NALF1: variants seen among roughly 807,000 people sequenced by gnomAD.
NALF1 encodes the protein family with sequence similarity 155 member A.
A neutral mutation model predicts 48.4 loss-of-function variants in NALF1; 3 were observed. That is an observed-to-expected ratio of 0.06 (90% confidence interval 0.03 to 0.16). The LOEUF is 0.16. NALF1 is among the 10% of genes least tolerant of loss of function. The pLI, the probability that NALF1 is intolerant of heterozygous loss-of-function variation, is 1.00. For synonymous variants in NALF1, 262 were observed against 245.7 expected, an observed-to-expected ratio of 1.07 and a Z score of -0.62; for missense variants, 526 against 571.5, an observed-to-expected ratio of 0.92 and a Z score of 0.81.
At chr13:107,554,972 G>A (rs1201597116) in intron 1 of NALF1, among the ~76,000 whole-genome samples, 3 of 152,062 alleles carry the variant, frequency 2.0e-5, no homozygotes, top group African/African-American at 7.2e-5. Flanking sequence ...CCTGTCCGGG[G>A]AGGCCTCTGC....
At chr13:107,796,624 C>T (rs1878432278) in intron 1 of NALF1, among the ~76,000 whole-genome samples, 1 of 152,124 alleles carries the variant, frequency 6.6e-6, no homozygotes, top group Non-Finnish European at 1.5e-5. Context: ...TTGTGTCGTT[C>T]CCCTTCCCTG....
chr13:107,240,908 T>G (rs2138834827), intron 1 of NALF1, among the ~76,000 whole-genome samples: 1 of 152,094 alleles, frequency 6.6e-6, no homozygotes, highest in African/African-American at 2.4e-5. Context: ...TCTTAGTTCT[T>G]TTTTTGCTGC....
chr13:107,727,596 C>T lies in NALF1; in HGVS notation c.915+138086G>A, dbSNP rs534033793. Among the ~76,000 whole-genome samples the T allele has an allele frequency of 3.9e-5, 6 of 152,222 alleles. 1 individual carries two copies. The South Asian group carries it at 6.2e-4, about 16-fold the overall frequency. On this transcript the variant is annotated intron_variant, in intron 1 of 2. Transcript: ENST00000375915. ...CTAAACCTGAAGAAAACCTACGTGA[C>T]GCCATTCAGGACACAGGCATGGGCA...
intron 1 of NALF1, among the ~76,000 whole-genome samples, chr13:107,718,538 T>C (rs886512823): frequency 3.9e-5 from 6 of 152,178 alleles, no homozygotes; most frequent in Non-Finnish European, 7.3e-5. Flanking sequence ...TAGGTGGATT[T>C]TGTGGACTAG....
intron 2 of NALF1, among the ~76,000 whole-genome samples, chr13:107,197,632 A>G (rs9514627): frequency 0.25 from 38,043 of 152,122 alleles, 5,109 homozygotes; most frequent in East Asian, 0.39. Flanking sequence ...TGAGGCTAGC[A>G]GTCCACAGTA....
At chr13:107,652,563 C>T (rs1355924879) in intron 1 of NALF1, among the ~76,000 whole-genome samples, 1 of 152,086 alleles carries the variant, frequency 6.6e-6, no homozygotes, top group African/African-American at 2.4e-5. Flanking sequence ...CTCCCTAGCC[C>T]CAAAGGATGG....
chr13:107,396,057 G>C (rs564060935), intron 1 of NALF1, among the ~76,000 whole-genome samples: 1 of 152,290 alleles, frequency 6.6e-6, no homozygotes, highest in East Asian at 1.9e-4. Flanking sequence ...AAGACTGGAA[G>C]TCCAGGTTCA....
intron 1 of NALF1, among the ~76,000 whole-genome samples, chr13:107,857,425 C>T (rs1459435019): frequency 6.6e-6 from 1 of 152,142 alleles, no homozygotes; most frequent in Non-Finnish European, 1.5e-5. Context: ...GACGACATAA[C>T]ACAAAACGTT....
At chr13:107,292,670 C>G (rs1881645861) in intron 1 of NALF1, among the ~76,000 whole-genome samples, 1 of 152,110 alleles carries the variant, frequency 6.6e-6, no homozygotes, top group Admixed American at 6.6e-5. Flanking sequence ...AATGCCAAAG[C>G]CTTCTTCTAT....
intron 1 of NALF1, among the ~76,000 whole-genome samples, chr13:107,355,205 C>T (rs1348325032): frequency 6.6e-6 from 1 of 152,122 alleles, no homozygotes; most frequent in African/African-American, 2.4e-5. Flanking sequence ...ACGAGGTCTG[C>T]AAACCCCAAC....
intron 1 of NALF1, among the ~76,000 whole-genome samples, chr13:107,441,716 C>T (rs1884562764): frequency 6.6e-6 from 1 of 152,048 alleles, no homozygotes; most frequent in African/African-American, 2.4e-5. Flanking sequence ...TTGTAGAGGG[C>T]AAAGGAATGG....
At chr13:107,670,507 T>C (rs544042749) in intron 1 of NALF1, among the ~76,000 whole-genome samples, 1 of 152,242 alleles carries the variant, frequency 6.6e-6, no homozygotes, top group South Asian at 2.1e-4. Context: ...AACTAAAGTA[T>C]GTAAATGTCC....
At chr13:107,793,395 G>C (rs538700822) in intron 1 of NALF1, among the ~76,000 whole-genome samples, 1 of 152,296 alleles carries the variant, frequency 6.6e-6, no homozygotes, top group East Asian at 1.9e-4. Context: ...CATATAGCTA[G>C]GCTATGCATT....
At chr13:107,679,001 C>A (rs989046866) in intron 1 of NALF1, among the ~76,000 whole-genome samples, 1 of 152,114 alleles carries the variant, frequency 6.6e-6, no homozygotes, top group Non-Finnish European at 1.5e-5. Flanking sequence ...TGGTTTGAGA[C>A]GTATTTGTTC....
intron 1 of NALF1, among the ~76,000 whole-genome samples, chr13:107,675,441 ATGT>A (rs1338272504): frequency 6.6e-6 from 1 of 152,210 alleles, no homozygotes; most frequent in African/African-American, 2.4e-5. Context: ...GGAAATCTTT[ATGT>A]ATCTGTTAAA....
intron 2 of NALF1, among the ~76,000 whole-genome samples, chr13:107,175,010 A>C (rs1175333203): frequency 1.3e-4 from 19 of 141,640 alleles, no homozygotes; most frequent in African/African-American, 4.8e-4. Flanking sequence ...CAGCCTCCCG[A>C]GTAGCTGGGA....
intron 1 of NALF1, among the ~76,000 whole-genome samples, chr13:107,233,682 A>C (rs1021232346): frequency 6.6e-6 from 1 of 152,250 alleles, no homozygotes; most frequent in African/African-American, 2.4e-5. Context: ...GCTCTGCTAC[A>C]TGTTACATAA....
At chr13:107,633,100 CTTTG>C (rs1879877670) in intron 1 of NALF1, among the ~76,000 whole-genome samples, 1 of 151,824 alleles carries the variant, frequency 6.6e-6, no homozygotes, top group Non-Finnish European at 1.5e-5. Flanking sequence ...TGGAAACAGT[CTTTG>C]TTTATAAGAG....
At chr13:107,553,689 A>C (rs560615938) in intron 1 of NALF1, among the ~76,000 whole-genome samples, 5 of 152,374 alleles carry the variant, frequency 3.3e-5, no homozygotes, top group Middle Eastern at 6.8e-3. Context: ...TCATTAATTT[A>C]TAGATACCTT....
Sources: gnomAD v4.1 joint callset for allele counts (sites outside exome capture counted in the v4.1 genomes callset) on GRCh38, gnomAD v4.1.1 for gene constraint, MANE v1.5 for transcripts, NCBI Gene and HGNC (gene_info 2026-07-23, HGNC 2026-07-21) for gene names.